Variants in ABCC9 observed in about 807,000 individuals in gnomAD.
The protein encoded by ABCC9 is ATP binding cassette subfamily C member 9, also known as ATP-binding cassette sub-family C member 9.
A neutral mutation model predicts 188.3 loss-of-function variants in ABCC9; 95 were observed. The observed-to-expected ratio is 0.50, with a 90% confidence interval of 0.43 to 0.60. ABCC9 has a LOEUF of 0.60. Among genes scored for constraint, ABCC9 ranks in the 20% least tolerant of loss-of-function variants. The pLI, the probability that ABCC9 is intolerant of heterozygous loss-of-function variation, is 0.00. For missense variants in ABCC9, 1,102 were observed against 1,876.3 expected, an observed-to-expected ratio of 0.59 and a Z score of 7.62; for synonymous variants, 659 against 652.7, an observed-to-expected ratio of 1.01 and a Z score of -0.15.
chr12:21,807,223 AT>A, intron 38 of ABCC9, 122 bp downstream of exon 38: 1 of 1,330,748 alleles, frequency 7.5e-7, no homozygotes, highest in South Asian at 1.2e-5. Context: ...CCAGTAGATG[AT>A]TGAGCAGATT....
intron 22 of ABCC9, among the ~76,000 whole-genome samples, chr12:21,856,130 A>G (rs546866490): frequency 1.3e-5 from 2 of 152,344 alleles, no homozygotes; most frequent in South Asian, 4.1e-4. Context: ...TATCATTTAT[A>G]TGCCATAGCT....
chr12:21,922,181 A>C (rs1426875998), intron 5 of ABCC9, among the ~76,000 whole-genome samples: 1 of 151,884 alleles, frequency 6.6e-6, no homozygotes, highest in Non-Finnish European at 1.5e-5. Flanking sequence ...AACAATGCTT[A>C]TTTTTCCAGT....
intron 22 of ABCC9, among the ~76,000 whole-genome samples, chr12:21,859,338 T>A (rs558063359): frequency 4.6e-5 from 7 of 152,188 alleles, no homozygotes; most frequent in African/African-American, 7.2e-5. Context: ...GTTAAGAAAC[T>A]CAGAAAAACA....
intron 31 of ABCC9, among the ~76,000 whole-genome samples, chr12:21,826,454 G>C (rs1943384325): frequency 6.6e-6 from 1 of 152,084 alleles, no homozygotes; most frequent in Non-Finnish European, 1.5e-5. Flanking sequence ...GTAGTAATGA[G>C]GTCATTTATA....
chr12:21,924,738 A>G (rs544941256), intron 5 of ABCC9: 1 of 152,082 alleles, frequency 6.6e-6, no homozygotes, highest in Non-Finnish European at 1.5e-5. Context: ...TCAATTTCAC[A>G]TATTTTTTTG....
chr12:21,896,079 CTTTTTTTTTTTT>C (rs5796933), intron 12 of ABCC9, among the ~76,000 whole-genome samples: 1 of 128,048 alleles, frequency 7.8e-6, no homozygotes, highest in Non-Finnish European at 1.6e-5. Context: ...ATCTAATTTT[CTTTTTTTTTTTT>C]TTTTTTTACT....
rs2176394 is a variant in ABCC9, at chr12:21,925,637, T to A, written c.406+305A>T. 404,866 of 649,094 alleles carry A rather than the reference T, an allele frequency of 0.62. 127,567 individuals are homozygous for A. Among genetic ancestry groups the A allele is most frequent in the East Asian group, 0.77 (28,317 of 36,622 alleles). The allele number at this position is 649,094 out of a possible 1,614,324, so 40.2% of individuals were successfully genotyped here. A position where few individuals can be genotyped will look rare whatever the true frequency, so the allele number is the denominator to read the frequency against. On this transcript the variant is annotated intron_variant, in intron 5 of 39. Transcript: ENST00000261200. ...GAGCTCTGATTCTTAAAATACAACT[T>A]CTGCAAGCCAGAAGGCCAGCCATAT...
rs2137414632 is a variant in ABCC9, at chr12:21,848,260, T to C, written c.2770-14A>G. On this transcript the variant is annotated splice_polypyrimidine_tract_variant and intron_variant, in intron 24 of 39. Transcript: ENST00000261200. ...AGCTTCCATATCCTGCAGTAAACAT[T>C]GTACTATCATGCAAGGAGCTAACAC... The C allele has an allele frequency of 1.2e-6, 2 of 1,606,548 alleles. No homozygotes were observed. Among genetic ancestry groups the C allele is most frequent in the Non-Finnish European group, 1.7e-6 (2 of 1,173,436 alleles).
At chr12:21,931,371 G>A (rs1949282024) in intron 4 of ABCC9, among the ~76,000 whole-genome samples, 1 of 151,508 alleles carries the variant, frequency 6.6e-6, no homozygotes, top group Non-Finnish European at 1.5e-5. Context: ...GTGGAATTAT[G>A]AGTCAATTAA....
chr12:21,912,142 A>G (rs182290379), intron 8 of ABCC9, among the ~76,000 whole-genome samples: 1 of 152,120 alleles, frequency 6.6e-6, no homozygotes, highest in Admixed American at 6.6e-5. Flanking sequence ...CTCATATTGC[A>G]TAACATTTTT....
intron 14 of ABCC9, 153 bp from the exon 15 acceptor site, chr12:21,888,087 G>A (rs932357133): frequency 4.2e-5 from 28 of 673,084 alleles, no homozygotes; most frequent in Admixed American, 3.7e-4. Flanking sequence ...CAGCTAGATC[G>A]ACCAAACATC....
chr12:21,868,914 A>G (rs991917231), intron 18 of ABCC9, among the ~76,000 whole-genome samples: 6 of 152,192 alleles, frequency 3.9e-5, no homozygotes, highest in African/African-American at 1.4e-4. Context: ...TCTGGAATGA[A>G]AAGAGTAATT....
intron 22 of ABCC9, among the ~76,000 whole-genome samples, chr12:21,854,235 A>G (rs1945113277): frequency 6.6e-6 from 1 of 152,260 alleles, no homozygotes; most frequent in Non-Finnish European, 1.5e-5. Context: ...TTTATGTATA[A>G]TCATTATAGA....
At chr12:21,898,167 A>G (rs1221536552) in intron 12 of ABCC9, among the ~76,000 whole-genome samples, 1 of 152,192 alleles carries the variant, frequency 6.6e-6, no homozygotes, top group Non-Finnish European at 1.5e-5. Flanking sequence ...CAAACAATAT[A>G]TAAAAATAAA....
intron 22 of ABCC9, among the ~76,000 whole-genome samples, chr12:21,856,126 T>C (rs1945213983): frequency 6.6e-6 from 1 of 152,182 alleles, no homozygotes; most frequent in Non-Finnish European, 1.5e-5. Context: ...GAACTATCAT[T>C]TATATGCCAT....
intron 14 of ABCC9, among the ~76,000 whole-genome samples, chr12:21,890,299 T>C (rs1221115936): frequency 6.6e-6 from 1 of 152,148 alleles, no homozygotes; most frequent in Non-Finnish European, 1.5e-5. Flanking sequence ...TTTCAGCATC[T>C]TTAGCATCGT....
At chr12:21,895,353 T>C in intron 12 of ABCC9, 38 bp from the exon 13 acceptor site, 6 of 1,561,458 alleles carry the variant, frequency 3.8e-6, no homozygotes, top group Non-Finnish European at 4.4e-6. Context: ...TTCATTGAAC[T>C]GTGAAAACAT....
intron 5 of ABCC9, among the ~76,000 whole-genome samples, chr12:21,922,464 A>T (rs1219103319): frequency 6.6e-6 from 1 of 151,960 alleles, no homozygotes; most frequent in Non-Finnish European, 1.5e-5. Flanking sequence ...TTTTGCATCA[A>T]TACTTAATTG....
intron 35 of ABCC9, among the ~76,000 whole-genome samples, chr12:21,812,698 G>A (rs1317278059): frequency 3.3e-5 from 5 of 152,040 alleles, no homozygotes; most frequent in African/African-American, 1.2e-4. Context: ...GGGGCCTCTC[G>A]AGGGGTAGGG....
Sources: allele counts gnomAD v4.1 joint callset (sites outside exome capture counted in the v4.1 genomes callset), GRCh38; gene constraint gnomAD v4.1.1; transcripts MANE v1.5; gene names NCBI Gene and HGNC (gene_info 2026-07-23, HGNC 2026-07-21).